The following EGLN1 variants were observed in gnomAD, a reference collection of about 807,000 sequenced individuals.
EGLN1 encodes the protein egl-9 family hypoxia inducible factor 1, also known as egl nine homolog 1.
In EGLN1, 17 loss-of-function variants were observed where a neutral mutation model predicts 38.3. That is an observed-to-expected ratio of 0.44 (90% confidence interval 0.30 to 0.67). The LOEUF (loss-of-function observed/expected upper bound fraction) is 0.67, where lower values mean the gene tolerates loss of function less well. Among genes scored for constraint, EGLN1 ranks in the 30% least tolerant of loss-of-function variants. EGLN1 has a pLI of 0.08. For missense variants in EGLN1, 477 were observed against 603.3 expected, an observed-to-expected ratio of 0.79 and a Z score of 2.19; for synonymous variants, 283 against 257.5, an observed-to-expected ratio of 1.10 and a Z score of -0.95.
At position 231,364,598 on chromosome 1, in the gene EGLN1, C is replaced by T. The variant is rs1687590728; in HGVS notation, c.*1813G>A. 9.0e-6 allele frequency: 1 copy of T among 111,284 alleles called. No homozygotes were observed. The highest frequency in any genetic ancestry group is 2.8e-5 in the African/African-American group (1 of 35,232). The allele number at this position is 111,284 out of a possible 1,614,324, so 6.9% of individuals were successfully genotyped here. ...CCCATCCTAAGTCCACTGTTGGCTT[C>T]ACTACACAATTTTTTTCCATGTTTT... On this transcript the variant is annotated 3_prime_UTR_variant, in exon 5 of 5. Transcript: ENST00000366641.
intron 1 of EGLN1, among the ~76,000 whole-genome samples, chr1:231,380,260 G>C (rs983765816): frequency 6.7e-6 from 1 of 149,898 alleles, no homozygotes. Context: ...AGCTTGCAGT[G>C]AGCGGAGATC....
At chr1:231,368,884 A>G in intron 3 of EGLN1, among the ~76,000 whole-genome samples, 1 of 152,170 alleles carries the variant, frequency 6.6e-6, no homozygotes, top group South Asian at 2.1e-4. Flanking sequence ...TGCTCTTTCC[A>G]GAGTTCCACT....
intron 2 of EGLN1, 25 bp from the exon 3 acceptor site, chr1:231,370,723 G>T: frequency 6.2e-7 from 1 of 1,613,792 alleles, no homozygotes; most frequent in Non-Finnish European, 8.5e-7. Flanking sequence ...AAATATGTAA[G>T]CAGGAGTAAC....
chr1:231,384,413 A>G (rs897834562), intron 1 of EGLN1, among the ~76,000 whole-genome samples: 1 of 151,848 alleles, frequency 6.6e-6, no homozygotes, highest in African/African-American at 2.4e-5. Flanking sequence ...AAGAAAAAAA[A>G]AAACACGCAA....
In EGLN1 at chr1:231,421,630, TG is replaced by T; in HGVS notation, c.258del (p.Arg87GlyfsTer26). The stretch of plus-strand genomic sequence containing the variant: ...TTCCTGGGCTCCCGGGCCCCGGCCC[TG>T]GGCGGCGGCACTGCAGCCGGCGGCG... ...GPAPPAAVPP[P>X]RAGAREPRKA... On this transcript the variant is annotated frameshift_variant, in exon 1 of 5. Coordinates refer to ENST00000366641, the MANE Select transcript of EGLN1 (RefSeq NM_022051.3). LOFTEE classifies it high-confidence loss of function. This position sits in a 1 kb window ranked among gnomAD's most constrained non-coding sequence, Gnocchi z 5.5. The T allele has an allele frequency of 7.0e-7, 1 of 1,423,802 alleles. No individual in the cohort carries two copies. The highest frequency in any genetic ancestry group is 9.2e-7 in the Non-Finnish European group (1 of 1,092,398). 88.2% of individuals were successfully genotyped at this position (1,423,802 alleles called of 1,614,324 possible). A position where few individuals can be genotyped will look rare whatever the true frequency, so the allele number is the denominator to read the frequency against.
At chr1:231,387,173 T>TG (rs2102910697) in intron 1 of EGLN1, among the ~76,000 whole-genome samples, 1 of 150,460 alleles carries the variant, frequency 6.6e-6, no homozygotes, top group South Asian at 2.1e-4. Flanking sequence ...AAAAAAAAAT[T>TG]GAAGTTTGAC....
rs371916119 is a variant in EGLN1 at position 231,401,360 on chromosome 1, C to G, written c.891+19638G>C. On this transcript the variant is annotated intron_variant, in intron 1 of 4. Coordinates refer to ENST00000366641, the MANE Select transcript of EGLN1 (RefSeq NM_022051.3). ...AATGAGGTAATCTGGGTAGAAAGAG[C>G]ACCTAATAGTGCTTGGTACACAATA... is the stretch of plus-strand genomic sequence containing the variant. 1.2e-4 allele frequency among the ~76,000 whole-genome samples: 18 copies of G among 152,246 alleles called. 1 individual carries two copies. In the East Asian group the frequency reaches 1.6e-3, roughly 13 times the overall value.
chr1:231,371,871 A>T (rs1376779632), intron 2 of EGLN1, among the ~76,000 whole-genome samples: 1 of 152,210 alleles, frequency 6.6e-6, no homozygotes, highest in East Asian at 1.9e-4. Flanking sequence ...GCCTAAACCT[A>T]GAATCTATAG....
chr1:231,391,083 GTTTTTTTTTTGTGTGTGTGT>G (rs1472262346), intron 1 of EGLN1, among the ~76,000 whole-genome samples: 2 of 49,800 alleles, frequency 4.0e-5, no homozygotes, highest in East Asian at 6.1e-4. Flanking sequence ...AACTCATTCT[GTTTTTTTTTTGTGTGTGTGT>G]GTGTGTGTGT....
At position 231,421,981 on chromosome 1, in the gene EGLN1, A is replaced by T. The variant is rs1656647210; in HGVS notation, c.-93T>A. The T allele has an allele frequency of 6.3e-6, 8 of 1,273,778 alleles. No homozygotes were observed. Among genetic ancestry groups the T allele is most frequent in the Non-Finnish European group, 8.0e-6 (8 of 1,004,230 alleles). The allele number at this position is 1,273,778 out of a possible 1,614,324, so 78.9% of individuals were successfully genotyped here. On this transcript the variant is annotated 5_prime_UTR_variant, in exon 1 of 5. Transcript: ENST00000366641. This position sits in a 1 kb window ranked among gnomAD's most constrained non-coding sequence, Gnocchi z 5.5. ...GCCCGAGGCTGGGGAGCGGGGAGAG[A>T]GATAGGGGCCGTTACTGCGCCATGC...
At position 231,422,118 on chromosome 1, in the gene EGLN1, C is replaced by A; in HGVS notation, c.-230G>T. On this transcript the variant is annotated 5_prime_UTR_variant, in exon 1 of 5. Coordinates refer to ENST00000366641, the MANE Select transcript of EGLN1 (RefSeq NM_022051.3). ...AGCCGCCTCAGCGCCTCATCGCCGC[C>A]GAGGGCTGAGAGAATAGGGCCTGTG... The A allele has an allele frequency of 2.6e-6, 1 of 385,712 alleles. No homozygotes were observed. The highest frequency in any genetic ancestry group is 4.7e-5 in the East Asian group (1 of 21,278). 23.9% of individuals were successfully genotyped at this position (385,712 alleles called of 1,614,324 possible).
At chr1:231,370,220 T>C (rs1256417117) in intron 3 of EGLN1, among the ~76,000 whole-genome samples, 1 of 152,132 alleles carries the variant, frequency 6.6e-6, no homozygotes, top group Non-Finnish European at 1.5e-5. Flanking sequence ...TCTTTCTCTC[T>C]CCCAAGTAAA....
intron 1 of EGLN1, among the ~76,000 whole-genome samples, chr1:231,412,820 A>G (rs1688987953): frequency 6.6e-6 from 1 of 152,192 alleles, no homozygotes; most frequent in African/African-American, 2.4e-5. Context: ...TGGGGGCAAG[A>G]GAAGAAAAGC....
In EGLN1 at chr1:231,421,475, C is replaced by A; in HGVS notation, c.414G>T (p.Val138=). Residue 138 remains valine, a synonymous_variant, in exon 1 of 5, where the codon GTG becomes GTT. Coordinates refer to ENST00000366641, the MANE Select transcript of EGLN1 (RefSeq NM_022051.3). The surrounding 1 kb of genome is among the most constrained non-coding windows in gnomAD (Gnocchi z 5.5). ...RAAAGGQGSA[V]AAEAEPGKEE... ...CCTTGCCGGGCTCGGCTTCGGCAGC[C>A]ACCGCCGAGCCCTGGCCGCCGGCGG... is the stretch of plus-strand genomic sequence containing the variant. 6.9e-7 allele frequency: 1 copy of A among 1,442,544 alleles called. No individual in the cohort carries two copies. Among genetic ancestry groups the A allele is most frequent in the Non-Finnish European group, 9.1e-7 (1 of 1,098,748 alleles). The allele number at this position is 1,442,544 out of a possible 1,614,324, so 89.4% of individuals were successfully genotyped here.
rs138332616 is a variant in EGLN1 at position 231,368,753 on chromosome 1, G to A, written c.1149-1117C>T. ...ATGACAGAATGAAAAATCACATAAT[G>A]TATTTTGAAGTAAAGAGTCTGGGAG... On this transcript the variant is annotated intron_variant, in intron 3 of 4. Coordinates refer to ENST00000366641, the MANE Select transcript of EGLN1 (RefSeq NM_022051.3). Among the ~76,000 whole-genome samples the A allele has an allele frequency of 3.6e-3, 547 of 152,300 alleles. 9 individuals carry two copies. The highest frequency in any genetic ancestry group is 0.012 in the African/African-American group (495 of 41,570).
chr1:231,416,426 CAA>C (rs35250338), intron 1 of EGLN1, among the ~76,000 whole-genome samples: 2 of 147,654 alleles, frequency 1.4e-5, no homozygotes, highest in African/African-American at 5.0e-5. Flanking sequence ...TACATACATA[CAA>C]AAAAAAAATT....
intron 1 of EGLN1, among the ~76,000 whole-genome samples, chr1:231,386,642 A>T (rs1688216088): frequency 6.6e-6 from 1 of 152,220 alleles, no homozygotes; most frequent in African/African-American, 2.4e-5. Flanking sequence ...CAGAGGATGA[A>T]CCAGCTCTTA....
intron 4 of EGLN1, 94 bp from the exon 5 acceptor site, chr1:231,366,569 A>G: frequency 1.6e-6 from 2 of 1,237,340 alleles, no homozygotes; most frequent in Middle Eastern, 1.9e-4. Flanking sequence ...GAGTATGGAC[A>G]ATATTTCAAC....
At position 231,366,484 on chromosome 1, in the gene EGLN1, T is replaced by C. The variant is rs771360748; in HGVS notation, c.1217-9A>G. The C allele has an allele frequency of 8.2e-7, 1 of 1,222,552 alleles. No individual in the cohort carries two copies. The highest frequency in any genetic ancestry group is 1.1e-6 in the Non-Finnish European group (1 of 875,280). 75.7% of individuals were successfully genotyped at this position (1,222,552 alleles called of 1,614,324 possible). ...CCTCACACCTTTTTCACCTGCAAGG[T>C]AAAAAAAAAAAAAATTTTCATTCAT... On this transcript the variant is annotated splice_polypyrimidine_tract_variant and intron_variant, in intron 4 of 4. Transcript: ENST00000366641.
Sources: allele counts gnomAD v4.1 joint callset (sites outside exome capture counted in the v4.1 genomes callset), GRCh38; gene constraint gnomAD v4.1.1; non-coding constraint Gnocchi (gnomAD v3.1); transcripts MANE v1.5; gene names NCBI Gene and HGNC (gene_info 2026-07-23, HGNC 2026-07-21).